Variants in ARL17B observed in about 807,000 individuals in gnomAD.
ARL17B encodes ADP-ribosylation factor-like protein 17.
chr17:46,289,245 T>C (rs957460246), intron 4 of ARL17B, among the ~76,000 whole-genome samples: 1 of 152,068 alleles, frequency 6.6e-6, no homozygotes, highest in African/African-American at 2.4e-5. Flanking sequence ...TGCAGTGACA[T>C]AAACACGGCT....
intron 3 of ARL17B, among the ~76,000 whole-genome samples, chr17:46,327,204 C>G (rs2051784458): frequency 1.2e-5 from 1 of 80,380 alleles, no homozygotes; most frequent in Non-Finnish European, 3.5e-5. Flanking sequence ...GGTGATGTAT[C>G]CTTCCTGCCT....
chr17:46,291,240 T>C (rs2050057987), intron 4 of ARL17B, among the ~76,000 whole-genome samples: 1 of 152,242 alleles, frequency 6.6e-6, no homozygotes, highest in Non-Finnish European at 1.5e-5. Flanking sequence ...GTATAGCGGG[T>C]GCACACTTTG....
chr17:46,277,930 C>T (rs996078651), intron 4 of ARL17B, among the ~76,000 whole-genome samples: 23 of 152,082 alleles, frequency 1.5e-4, no homozygotes, highest in African/African-American at 5.6e-4. Context: ...ACATGAGCCA[C>T]CATGCCTGGT....
intron 4 of ARL17B, among the ~76,000 whole-genome samples, chr17:46,282,293 C>T (rs1211276156): frequency 6.6e-6 from 1 of 151,734 alleles, no homozygotes; most frequent in South Asian, 2.1e-4. Flanking sequence ...TTAGTAGAGA[C>T]GGGGTTTCAC....
chr17:46,315,294 G>GT (rs1381177123), intron 3 of ARL17B, among the ~76,000 whole-genome samples: 1 of 86,448 alleles, frequency 1.2e-5, no homozygotes, highest in East Asian at 2.4e-4. Flanking sequence ...GGAGGCTGCG[G>GT]TGGGAGGATT....
At chr17:46,275,648 T>C (rs1033537963) in intron 4 of ARL17B, among the ~76,000 whole-genome samples, 1 of 152,242 alleles carries the variant, frequency 6.6e-6, no homozygotes, top group African/African-American at 2.4e-5. Flanking sequence ...TTAAAATATG[T>C]ATGTATATAT....
chr17:46,280,865 C>T (rs1222029327), intron 4 of ARL17B, among the ~76,000 whole-genome samples: 4 of 152,178 alleles, frequency 2.6e-5, no homozygotes, highest in East Asian at 3.8e-4. Context: ...TAAGCCATTT[C>T]GTGTCTGGCC....
chr17:46,285,241 C>CTT (rs56201620), intron 4 of ARL17B, among the ~76,000 whole-genome samples: 76 of 138,398 alleles, frequency 5.5e-4, no homozygotes, highest in Non-Finnish European at 8.4e-4. Context: ...CTTTTCTTTC[C>CTT]TTTTTTTTTT....
chr17:46,349,133 G>C (rs2144255024), intron 3 of ARL17B, among the ~76,000 whole-genome samples: 1 of 90,346 alleles, frequency 1.1e-5, no homozygotes, highest in South Asian at 3.7e-4. Flanking sequence ...TGGCTGCCAG[G>C]GAGGAAGGGG....
chr17:46,323,616 C>T (rs1287476803), intron 3 of ARL17B, among the ~76,000 whole-genome samples: 1 of 97,162 alleles, frequency 1.0e-5, no homozygotes, highest in Non-Finnish European at 2.4e-5. Flanking sequence ...AGGGTGGTTT[C>T]GAACTCCTGA....
In ARL17B at chr17:46,279,459, C is replaced by A. The variant is rs139797891; in HGVS notation, c.*22-4041G>T. 8.2e-3 allele frequency among the ~76,000 whole-genome samples: 1,236 copies of A among 151,258 alleles called. 17 individuals carry two copies. Among genetic ancestry groups the A allele is most frequent in the African/African-American group, 0.025 (1,035 of 41,236 alleles). ...TTGGCCCTCCAAAGTGCTGGGATTA[C>A]AGGCATGAGCCACCGCACCTGGCCT... On this transcript the variant is annotated intron_variant, in intron 4 of 4. Transcript: ENST00000570618.
At chr17:46,281,819 T>G (rs2049770423) in intron 4 of ARL17B, among the ~76,000 whole-genome samples, 1 of 152,008 alleles carries the variant, frequency 6.6e-6, no homozygotes, top group Non-Finnish European at 1.5e-5. Flanking sequence ...AATTTTTGTA[T>G]TTTTAGTAGA....
chr17:46,291,487 G>C (rs1413019309), intron 4 of ARL17B, among the ~76,000 whole-genome samples: 1 of 151,112 alleles, frequency 6.6e-6, no homozygotes, highest in African/African-American at 2.5e-5. Context: ...CTGTGTGTGA[G>C]GCAGTGATAG....
intron 4 of ARL17B, among the ~76,000 whole-genome samples, chr17:46,284,849 T>C (rs552141689): frequency 2.6e-5 from 4 of 152,356 alleles, no homozygotes; most frequent in African/African-American, 7.2e-5. Context: ...AAAGTTTCAA[T>C]CCAATGCACT....
Position 46,292,274 on chromosome 17 carries a change from G to C in ARL17B, c.*21+7252C>G, listed in dbSNP as rs1216970008. Among the ~76,000 whole-genome samples, 2 of 76,140 alleles carry C rather than the reference G, an allele frequency of 2.6e-5. 1 individual carries two copies. The highest frequency in any genetic ancestry group is 7.8e-5 in the Non-Finnish European group (2 of 25,730). 50.0% of individuals were successfully genotyped at this position (76,140 alleles called of 152,430 possible). A position where few individuals can be genotyped will look rare whatever the true frequency, so the allele number is the denominator to read the frequency against. On this transcript the variant is annotated intron_variant, in intron 4 of 4. Coordinates refer to the ARL17B transcript ENST00000570618. ...TTGAACCCAGGAGGCGGAGGTTGCA[G>C]TGAGCCGAGATCATGCCACTGCATT...
At chr17:46,291,169 TC>T (rs2050055691) in intron 4 of ARL17B, among the ~76,000 whole-genome samples, 1 of 152,276 alleles carries the variant, frequency 6.6e-6, no homozygotes, top group African/African-American at 2.4e-5. Context: ...ACCTTGAGTT[TC>T]ATTTCCTAGT....
rs28499078 is a variant in ARL17B, at chr17:46,291,464, G to C, written c.*21+8062C>G. On this transcript the variant is annotated intron_variant, in intron 4 of 4. Transcript: ENST00000570618. ...ACAGTAAGAGTTTCTCGGGGGTAAGGGAGGCTAACATGCTGTGTGTGAGGC... is the reference window on the plus strand; with the variant it reads ...ACAGTAAGAGTTTCTCGGGGGTAAGCGAGGCTAACATGCTGTGTGTGAGGC... Among the ~76,000 whole-genome samples the C allele has an allele frequency of 7.9e-3, 1,201 of 151,786 alleles. 21 individuals are homozygous for C. The highest frequency in any genetic ancestry group is 0.027 in the African/African-American group (1,114 of 41,132).
chr17:46,291,987 A>AAT (rs58343188), intron 4 of ARL17B, among the ~76,000 whole-genome samples: 3 of 121,198 alleles, frequency 2.5e-5, no homozygotes, highest in African/African-American at 9.2e-5. Flanking sequence ...AAAAAAAAAA[A>AAT]GCCAATAAAA....
chr17:46,317,175 C>CAGACGGGG, intron 3 of ARL17B, among the ~76,000 whole-genome samples: 1 of 86,604 alleles, frequency 1.2e-5, no homozygotes, highest in Middle Eastern at 5.4e-3. Flanking sequence ...TCCTCACATC[C>CAGACGGGG]CAGACGGGCA....
Sources: allele counts gnomAD v4.1 joint callset (sites outside exome capture counted in the v4.1 genomes callset), GRCh38; gene constraint gnomAD v4.1.1; transcripts MANE v1.5; gene names NCBI Gene and HGNC (gene_info 2026-07-23, HGNC 2026-07-21).